The following ATP6V0D2 variants were observed in gnomAD, a reference collection of about 807,000 sequenced individuals.
The protein encoded by ATP6V0D2 is ATPase H+ transporting V0 subunit d2, also known as V-type proton ATPase subunit d 2.
ATP6V0D2 carries 40 observed loss-of-function variants against 40.0 expected under a neutral mutation model. That is an observed-to-expected ratio of 1.00 (90% CI 0.78 to 1.30). ATP6V0D2 has a LOEUF of 1.30. Ranked by LOEUF, ATP6V0D2 falls within the 50% of genes most tolerant of loss-of-function variation. The probability of loss-of-function intolerance (pLI) is 0.00; values close to 1 mark genes in which losing one functional copy is unlikely to be tolerated. For synonymous variants in ATP6V0D2, 179 were observed against 156.3 expected (o/e 1.15, Z -1.08); for missense variants, 470 against 423.1 (o/e 1.11, Z -0.97).
At chr8:86,103,460 GT>G (rs1168262666) in intron 1 of ATP6V0D2, among the ~76,000 whole-genome samples, 2 of 151,980 alleles carry the variant, frequency 1.3e-5, no homozygotes, top group Non-Finnish European at 2.9e-5. Context: ...GACACAGTTT[GT>G]TTAGAAGGGA....
chr8:86,111,881 T>A (rs555806866), intron 1 of ATP6V0D2, among the ~76,000 whole-genome samples: 3 of 152,232 alleles, frequency 2.0e-5, no homozygotes, highest in African/African-American at 7.2e-5. Flanking sequence ...AAGGACCTTA[T>A]CTTTATCACT....
Position 86,118,439 on chromosome 8 carries a change from T to TA in ATP6V0D2, c.302+4564dup, listed in dbSNP as rs1818625745. ...TTGTTGGTATCTGCAAGGCCCTTCC[T>TA]AAAAAGTAAAAACCTTAAGGAGAAA... On this transcript the variant is annotated intron_variant, in intron 2 of 7. Transcript: ENST00000285393. Among the ~76,000 whole-genome samples the TA allele has an allele frequency of 2.0e-5, 3 of 151,898 alleles. No homozygotes were observed. In the South Asian group the frequency reaches 6.2e-4, roughly 32 times the overall value.
At chr8:86,135,360 G>A (rs915874438) in intron 2 of ATP6V0D2, among the ~76,000 whole-genome samples, 1 of 152,162 alleles carries the variant, frequency 6.6e-6, no homozygotes, top group Non-Finnish European at 1.5e-5. Context: ...AGCAGGAGGA[G>A]AAAGAATAGC....
Position 86,152,824 on chromosome 8 carries a change from G to C in ATP6V0D2, c.900G>C (p.Met300Ile), listed in dbSNP as rs892818661. 2 of 1,593,460 alleles carry C rather than the reference G, an allele frequency of 1.3e-6. No homozygotes were observed. Among genetic ancestry groups the C allele is most frequent in the Middle Eastern group, 3.4e-4 (2 of 5,946 alleles). ...EDVFYEREVQ[M>I]NVLAFNRQFH... ...TTTTTTTCTTTCCTCAGGTACAAAT[G>C]AATGTGCTGGCATTCAACAGACAGT... Residue 300 changes from methionine (M) to isoleucine (I), a missense_variant, in exon 8 of 8, where the codon ATG (methionine) becomes ATC (isoleucine). By Grantham distance (10) the Met-to-Ile change is conservative. Transcript: ENST00000285393.
chr8:86,117,482 G>A (rs561966203), intron 2 of ATP6V0D2, among the ~76,000 whole-genome samples: 5 of 152,166 alleles, frequency 3.3e-5, no homozygotes, highest in African/African-American at 1.2e-4. Flanking sequence ...AAGACCATAG[G>A]TCAAGGAAGG....
At position 86,130,125 on chromosome 8, in the gene ATP6V0D2, A is replaced by G. The variant is rs143589320; in HGVS notation, c.303-9332A>G. On this transcript the variant is annotated intron_variant, in intron 2 of 7. Transcript: ENST00000285393. ...AAAGCTATTCTAATAGCTAAGTCCA[A>G]TGGATATTTTTTCAGCTGTTTCCTA... Among the ~76,000 whole-genome samples the G allele has an allele frequency of 1.4e-3, 214 of 152,218 alleles. 4 individuals carry two copies. Among genetic ancestry groups the G allele is most frequent in the African/African-American group, 4.8e-3 (200 of 41,530 alleles).
At chr8:86,152,664 T>C in intron 7 of ATP6V0D2, 152 bp from the exon 8 acceptor site, 1 of 567,004 alleles carries the variant, frequency 1.8e-6, no homozygotes, top group Non-Finnish European at 2.9e-6. Context: ...CTTTCTGAGT[T>C]GTCACCATAC....
intron 5 of ATP6V0D2, 45 bp from the exon 6 acceptor site, chr8:86,150,066 AT>A (rs1267309260): frequency 6.4e-7 from 1 of 1,572,984 alleles, no homozygotes; most frequent in African/African-American, 1.4e-5. Context: ...TGTTTATAGC[AT>A]TTAGCAGTTT....
intron 1 of ATP6V0D2, among the ~76,000 whole-genome samples, chr8:86,109,083 A>G (rs1352773486): frequency 1.3e-5 from 2 of 152,216 alleles, no homozygotes; most frequent in African/African-American, 4.8e-5. Context: ...CTTTCTAGAT[A>G]AAAAGTAGTG....
chr8:86,148,425 A>C (rs1006558573), intron 5 of ATP6V0D2, among the ~76,000 whole-genome samples: 1 of 152,206 alleles, frequency 6.6e-6, no homozygotes, highest in Admixed American at 6.5e-5. Flanking sequence ...CTGTTCTTAC[A>C]TAGGATTTCC....
At chr8:86,108,297 C>G (rs1818493216) in intron 1 of ATP6V0D2, among the ~76,000 whole-genome samples, 1 of 152,236 alleles carries the variant, frequency 6.6e-6, no homozygotes, top group African/African-American at 2.4e-5. Flanking sequence ...TGTGCCACCA[C>G]ACCCAGCTAA....
intron 5 of ATP6V0D2, among the ~76,000 whole-genome samples, chr8:86,146,767 T>A (rs1819075133): frequency 6.6e-6 from 1 of 152,228 alleles, no homozygotes; most frequent in South Asian, 2.1e-4. Flanking sequence ...CATGAGGTTA[T>A]AACATTTATA....
At chr8:86,138,603 C>T (rs539307620) in intron 2 of ATP6V0D2, among the ~76,000 whole-genome samples, 109 of 152,258 alleles carry the variant, frequency 7.2e-4, no homozygotes, top group Middle Eastern at 3.4e-3. Context: ...TTAATAAACT[C>T]GGGGATGTGA....
At chr8:86,145,373 G>A (rs62512383) in intron 5 of ATP6V0D2, among the ~76,000 whole-genome samples, 5 of 107,050 alleles carry the variant, frequency 4.7e-5, no homozygotes, top group Non-Finnish European at 4.2e-5. Flanking sequence ...AAGGAAGGAA[G>A]GAAAGAAAAG....
chr8:86,108,352 G>A (rs980431961), intron 1 of ATP6V0D2, among the ~76,000 whole-genome samples: 1 of 151,974 alleles, frequency 6.6e-6, no homozygotes, highest in Non-Finnish European at 1.5e-5. Context: ...ATGTTGCCCA[G>A]TCTAGTCTGA....
chr8:86,143,651 C>T (rs929829617), intron 5 of ATP6V0D2, among the ~76,000 whole-genome samples: 2 of 152,202 alleles, frequency 1.3e-5, no homozygotes, highest in Non-Finnish European at 2.9e-5. Flanking sequence ...AGCTTCTTTA[C>T]TGCAACCTGT....
intron 5 of ATP6V0D2, 40 bp from the exon 6 acceptor site, chr8:86,150,072 C>A: frequency 4.4e-6 from 7 of 1,580,376 alleles, no homozygotes; most frequent in Non-Finnish European, 6.1e-6. Context: ...TAGCATTTAG[C>A]AGTTTATTAG....
Position 86,105,304 on chromosome 8 carries a change from T to A in ATP6V0D2, c.130+6196T>A, listed in dbSNP as rs187432014. 1.2e-4 allele frequency among the ~76,000 whole-genome samples: 19 copies of A among 152,274 alleles called. 1 individual carries two copies. In the East Asian group the frequency reaches 3.7e-3, roughly 29 times the overall value. On this transcript the variant is annotated intron_variant, in intron 1 of 7. Coordinates refer to ENST00000285393, the MANE Select transcript of ATP6V0D2 (RefSeq NM_152565.1). ...CTATCTGCCTTATTGCAAGCTTTTT[T>A]ATTTTTATTTTTTAAGACGGTCTGG... is the stretch of plus-strand genomic sequence containing the variant.
intron 2 of ATP6V0D2, among the ~76,000 whole-genome samples, chr8:86,130,554 A>T (rs972636090): frequency 6.6e-6 from 1 of 152,050 alleles, no homozygotes; most frequent in African/African-American, 2.4e-5. Context: ...AAAATAAAGA[A>T]TGAGCTAAAT....
Sources: gnomAD v4.1 joint callset for allele counts (sites outside exome capture counted in the v4.1 genomes callset) on GRCh38, gnomAD v4.1.1 for gene constraint, MANE v1.5 for transcripts, NCBI Gene and HGNC (gene_info 2026-07-23, HGNC 2026-07-21) for gene names.